COL24A1: variants seen among roughly 807,000 people sequenced by gnomAD.
The protein encoded by COL24A1 is collagen alpha-1(XXIV) chain.
In COL24A1, 224 loss-of-function variants were observed where a neutral mutation model predicts 253.9. The observed-to-expected ratio is 0.88, with a 90% CI of 0.79 to 0.99. The LOEUF (loss-of-function observed/expected upper bound fraction) is 0.99. Among genes scored for constraint, COL24A1 ranks in the 50% least tolerant of loss-of-function variants. COL24A1 has a pLI of 0.00. For synonymous variants in COL24A1, 685 were observed against 673.7 expected (o/e 1.02, Z -0.26); for missense variants, 2,131 against 2,068.5 (o/e 1.03, Z -0.59).
chr1:86,156,267 A>T lies in COL24A1; in HGVS notation c.56+74T>A. 1.3e-5 allele frequency: 19 copies of T among 1,424,344 alleles called. No homozygotes were observed. In the South Asian group the frequency reaches 2.3e-4, roughly 17 times the overall value. 88.2% of individuals were successfully genotyped at this position (1,424,344 alleles called of 1,614,324 possible). A position where few individuals can be genotyped will look rare whatever the true frequency, so the allele number is the denominator to read the frequency against. Reference sequence around the variant, plus strand: ...AGGAGCCGGACTTCAGATCTCCATCAGGCTCAGCAGAACCAGGGGGTGGAG... The same window carrying T: ...AGGAGCCGGACTTCAGATCTCCATCTGGCTCAGCAGAACCAGGGGGTGGAG... On this transcript the variant is annotated intron_variant, in intron 1 of 59. Coordinates refer to ENST00000370571, the MANE Select transcript of COL24A1 (RefSeq NM_152890.7).
At chr1:86,139,639 T>G (rs1222754150) in intron 2 of COL24A1, among the ~76,000 whole-genome samples, 1 of 152,186 alleles carries the variant, frequency 6.6e-6, no homozygotes, top group Admixed American at 6.5e-5. Flanking sequence ...TCTTAACTAT[T>G]AAATAACTAA....
At chr1:86,120,825 A>T (rs566975392) in intron 3 of COL24A1, among the ~76,000 whole-genome samples, 21 of 152,336 alleles carry the variant, frequency 1.4e-4, no homozygotes, top group Admixed American at 7.8e-4. Context: ...TCATGCTGCT[A>T]TAAAGACACA....
intron 5 of COL24A1, among the ~76,000 whole-genome samples, chr1:86,101,824 A>G (rs1704479489): frequency 6.6e-6 from 1 of 152,154 alleles, no homozygotes; most frequent in Admixed American, 6.5e-5. Flanking sequence ...AATGTTCATC[A>G]AGGATGTTGG....
chr1:85,862,020 A>G (rs1336691697), intron 37 of COL24A1, among the ~76,000 whole-genome samples: 1 of 152,024 alleles, frequency 6.6e-6, no homozygotes, highest in East Asian at 1.9e-4. Flanking sequence ...TCTCAATGTA[A>G]TTGTCCCCTA....
chr1:86,132,434 C>A (rs549440901), intron 2 of COL24A1, among the ~76,000 whole-genome samples: 4 of 152,158 alleles, frequency 2.6e-5, no homozygotes, highest in South Asian at 2.1e-4. Context: ...ACATGAAGTC[C>A]TTGCCCATGC....
chr1:86,022,360 A>G (rs549338317), intron 17 of COL24A1, 67 bp from the exon 18 acceptor site: 1 of 1,481,754 alleles, frequency 6.7e-7, no homozygotes, highest in Non-Finnish European at 9.4e-7. Context: ...CACTATTTAC[A>G]AACTGCTAAA....
chr1:86,104,320 T>C (rs1704740906), intron 5 of COL24A1, among the ~76,000 whole-genome samples: 1 of 152,220 alleles, frequency 6.6e-6, no homozygotes, highest in South Asian at 2.1e-4. Context: ...GGGTTTGCGC[T>C]TACTGCTGCA....
intron 59 of COL24A1, among the ~76,000 whole-genome samples, chr1:85,733,326 C>G (rs1039617530): frequency 2.0e-5 from 3 of 152,130 alleles, no homozygotes; most frequent in African/African-American, 7.2e-5. Context: ...AAACTCTTCT[C>G]TAAAGGGCCA....
In COL24A1 at chr1:85,896,991, G is replaced by A. The variant is rs545908765; in HGVS notation, c.2779-582C>T. On this transcript the variant is annotated intron_variant, in intron 28 of 59. Coordinates refer to ENST00000370571, the MANE Select transcript of COL24A1 (RefSeq NM_152890.7). ...TATAGGTGTGTTATTTGGGTATTTCGTTCACTTTATAATTTACTCAGCAGC... is the reference window on the plus strand; with the variant it reads ...TATAGGTGTGTTATTTGGGTATTTCATTCACTTTATAATTTACTCAGCAGC... Among the ~76,000 whole-genome samples, 13 of 152,214 alleles carry A rather than the reference G, an allele frequency of 8.5e-5. No individual in the cohort carries two copies. The South Asian group carries it at 1.2e-3, about 15-fold the overall frequency.
At chr1:85,898,080 G>A (rs1398892280) in intron 28 of COL24A1, among the ~76,000 whole-genome samples, 4 of 152,156 alleles carry the variant, frequency 2.6e-5, no homozygotes, top group Non-Finnish European at 5.9e-5. Context: ...TTGATTACAT[G>A]TTGAGAAATA....
At chr1:85,744,521 T>C (rs1664994931) in intron 57 of COL24A1, 145 bp downstream of exon 57, 1 of 627,508 alleles carries the variant, frequency 1.6e-6, no homozygotes, top group Non-Finnish European at 2.7e-6. Context: ...TCATAGAGAA[T>C]TTTATTCTTG....
chr1:86,022,382 A>G, intron 17 of COL24A1, 89 bp from the exon 18 acceptor site: 2 of 1,426,170 alleles, frequency 1.4e-6, no homozygotes, highest in Non-Finnish European at 2.0e-6. Context: ...AATTTCATAA[A>G]GTATGCTAAA....
Position 85,780,010 on chromosome 1 carries a change from C to T in COL24A1, c.4338+1210G>A, listed in dbSNP as rs954900704. Among the ~76,000 whole-genome samples, 8 of 152,182 alleles carry T rather than the reference C, an allele frequency of 5.3e-5. No individual in the cohort carries two copies. In the East Asian group the frequency reaches 1.4e-3, roughly 26 times the overall value. On this transcript the variant is annotated intron_variant, in intron 52 of 59. Coordinates refer to ENST00000370571, the MANE Select transcript of COL24A1 (RefSeq NM_152890.7). ...TTACATTTTCCTTGACCAATTAATA[C>T]ATCATATTTTTGACAGAGGAGAAAA... is the stretch of plus-strand genomic sequence containing the variant.
At chr1:86,095,544 G>A (rs973963487) in intron 5 of COL24A1, among the ~76,000 whole-genome samples, 2 of 152,000 alleles carry the variant, frequency 1.3e-5, no homozygotes, top group African/African-American at 4.8e-5. Context: ...AGGAAGTAGG[G>A]CATGCTTCTC....
intron 24 of COL24A1, among the ~76,000 whole-genome samples, chr1:85,925,248 C>T (rs1364764059): frequency 1.3e-5 from 2 of 152,136 alleles, no homozygotes; most frequent in Non-Finnish European, 2.9e-5. Flanking sequence ...CCATACTGCC[C>T]AAGGTAATTT....
intron 53 of COL24A1, among the ~76,000 whole-genome samples, chr1:85,767,302 GA>G (rs1240323097): frequency 6.6e-6 from 1 of 152,072 alleles, no homozygotes; most frequent in Non-Finnish European, 1.5e-5. Flanking sequence ...ATTACATTCT[GA>G]AAGACAGTAA....
intron 22 of COL24A1, among the ~76,000 whole-genome samples, chr1:85,967,446 C>T (rs938512841): frequency 6.6e-6 from 1 of 152,114 alleles, no homozygotes; most frequent in Non-Finnish European, 1.5e-5. Context: ...AGAATCAATG[C>T]ACTGACATTC....
chr1:86,111,953 A>G (rs1557671017), intron 5 of COL24A1, among the ~76,000 whole-genome samples: 1 of 152,152 alleles, frequency 6.6e-6, no homozygotes, highest in East Asian at 1.9e-4. Context: ...GAAGGAACAA[A>G]CTCTGGACAC....
At chr1:86,016,595 G>A (rs1463125159) in intron 19 of COL24A1, among the ~76,000 whole-genome samples, 1 of 152,148 alleles carries the variant, frequency 6.6e-6, no homozygotes, top group Non-Finnish European at 1.5e-5. Context: ...TGACTCATAG[G>A]TCTGACTCAT....
Sources: gnomAD v4.1 joint callset for allele counts (sites outside exome capture counted in the v4.1 genomes callset) on GRCh38, gnomAD v4.1.1 for gene constraint, MANE v1.5 for transcripts, NCBI Gene and HGNC (gene_info 2026-07-23, HGNC 2026-07-21) for gene names.